The following FAM133B variants were observed in gnomAD, a reference collection of about 807,000 sequenced individuals.
FAM133B encodes the protein family with sequence similarity 133 member B.
FAM133B carries 25 observed loss-of-function variants against 46.4 expected under a neutral mutation model. The ratio of observed to expected loss-of-function variants is 0.54; its 90% CI spans 0.39 to 0.75. FAM133B has a LOEUF of 0.75. Among genes scored for constraint, FAM133B ranks in the 30% least tolerant of loss-of-function variants. The pLI is 0.00. For synonymous variants in FAM133B, 75 were observed against 86.0 expected (o/e 0.87, Z 0.71); for missense variants, 205 against 277.6 (o/e 0.74, Z 1.86).
At chr7:92,569,371 T>C (rs1585300085) in intron 9 of FAM133B, among the ~76,000 whole-genome samples, 1 of 152,218 alleles carries the variant, frequency 6.6e-6, no homozygotes, top group African/African-American at 2.4e-5. Context: ...TAATATGATA[T>C]GTTTCCTGCC....
At chr7:92,584,065 A>G (rs1451427550) in intron 1 of FAM133B, among the ~76,000 whole-genome samples, 2 of 150,434 alleles carry the variant, frequency 1.3e-5, no homozygotes, top group Non-Finnish European at 3.0e-5. Flanking sequence ...AAAAAAAAAA[A>G]AAAAAAAAGA....
chr7:92,572,359 C>T (rs1003170642), intron 8 of FAM133B, among the ~76,000 whole-genome samples: 6 of 152,170 alleles, frequency 3.9e-5, no homozygotes, highest in South Asian at 2.1e-4. Flanking sequence ...GCAAAATGTT[C>T]GTAAGTTGAA....
chr7:92,584,984 CA>C (rs1294540138), intron 1 of FAM133B, among the ~76,000 whole-genome samples: 1 of 102,762 alleles, frequency 9.7e-6, no homozygotes, highest in African/African-American at 4.5e-5. Flanking sequence ...CTCTACTAAA[CA>C]AAACAAAACA....
At chr7:92,579,506 T>C in intron 2 of FAM133B, 111 bp from the exon 3 acceptor site, 1 of 692,712 alleles carries the variant, frequency 1.4e-6, no homozygotes, top group Non-Finnish European at 2.4e-6. Flanking sequence ...AATAGACTTC[T>C]ATTCAATGTT....
chr7:92,563,600 A>C (rs533118501), intron 10 of FAM133B, among the ~76,000 whole-genome samples: 2 of 152,290 alleles, frequency 1.3e-5, no homozygotes, highest in East Asian at 3.9e-4. Flanking sequence ...AATGATGCCC[A>C]AATCTTTATA....
chr7:92,570,390 A>G (rs1467320517), intron 8 of FAM133B, among the ~76,000 whole-genome samples: 1 of 152,122 alleles, frequency 6.6e-6, no homozygotes, highest in East Asian at 1.9e-4. Context: ...TTAACCTCTA[A>G]GTATTTTTAA....
At chr7:92,573,043 TCA>T (rs1234002880) in intron 8 of FAM133B, among the ~76,000 whole-genome samples, 2 of 151,348 alleles carry the variant, frequency 1.3e-5, no homozygotes, top group Non-Finnish European at 2.9e-5. Context: ...AAAAAGAAAC[TCA>T]ATATTCTGTT....
chr7:92,562,931 T>G (rs1794203576), intron 10 of FAM133B, among the ~76,000 whole-genome samples: 1 of 152,238 alleles, frequency 6.6e-6, no homozygotes, highest in Non-Finnish European at 1.5e-5. Context: ...GTCTACTTTG[T>G]TAAGCAAAAC....
At chr7:92,579,915 T>C (rs1041736743) in intron 2 of FAM133B, among the ~76,000 whole-genome samples, 2 of 152,226 alleles carry the variant, frequency 1.3e-5, no homozygotes, top group Middle Eastern at 3.2e-3. Context: ...CTGCTTAATC[T>C]TGGAAAGACA....
At chr7:92,582,519 C>T (rs1794917573) in intron 1 of FAM133B, among the ~76,000 whole-genome samples, 1 of 151,980 alleles carries the variant, frequency 6.6e-6, no homozygotes, top group African/African-American at 2.4e-5. Context: ...AATGTTTGTG[C>T]ATCAAAGGAC....
At chr7:92,578,465 A>C (rs1794768639) in intron 3 of FAM133B, 72 bp from the exon 4 acceptor site, 1 of 1,306,072 alleles carries the variant, frequency 7.7e-7, no homozygotes, top group African/African-American at 1.5e-5. Context: ...AGAGACAGCC[A>C]CTGCTTCCTT....
chr7:92,567,077 G>T (rs1041571677), intron 9 of FAM133B, among the ~76,000 whole-genome samples: 1 of 152,016 alleles, frequency 6.6e-6, no homozygotes, highest in Non-Finnish European at 1.5e-5. Context: ...AATTAGTGGG[G>T]TGTGGTGGCA....
Position 92,581,759 on chromosome 7 carries a change from A to C in FAM133B, c.25-156T>G, listed in dbSNP as rs1794879654. On this transcript the variant is annotated intron_variant, in intron 1 of 10. Coordinates refer to ENST00000445716, the MANE Select transcript of FAM133B (RefSeq NM_152789.4). ...CTCTTTATTCTAAAAAAATTAATTT[A>C]ATCCTCTTTTAAGTCTTAAAAGTTT... 8.4e-6 allele frequency: 5 copies of C among 592,106 alleles called. No individual in the cohort carries two copies. The South Asian group carries it at 1.0e-4, about 12-fold the overall frequency. 36.7% of individuals were successfully genotyped at this position (592,106 alleles called of 1,614,324 possible).
intron 1 of FAM133B, chr7:92,585,206 A>G (rs1429298805): frequency 4.3e-6 from 1 of 232,792 alleles, no homozygotes; most frequent in African/African-American, 2.3e-5. Context: ...CAATCAGGTA[A>G]TCTCTGTATG....
intron 10 of FAM133B, among the ~76,000 whole-genome samples, 176 bp from the exon 11 acceptor site, chr7:92,562,544 T>C (rs192390509): frequency 1.1e-3 from 167 of 152,304 alleles, no homozygotes; most frequent in African/African-American, 3.9e-3. Flanking sequence ...CTAAAACAGT[T>C]CTTGTCGATT....
intron 8 of FAM133B, among the ~76,000 whole-genome samples, chr7:92,574,711 C>G (rs1475059724): frequency 2.0e-5 from 3 of 151,258 alleles, no homozygotes; most frequent in African/African-American, 7.3e-5. Flanking sequence ...CGAGACCATC[C>G]TGGCTAACAA....
chr7:92,577,765 T>G, intron 5 of FAM133B, 48 bp from the exon 6 acceptor site: 2 of 1,477,644 alleles, frequency 1.4e-6, no homozygotes, highest in Non-Finnish European at 1.8e-6. Context: ...CGAGAATGTT[T>G]TTCTTTTACA....
At chr7:92,589,431 ATC>A (rs1346473123) in intron 1 of FAM133B, among the ~76,000 whole-genome samples, 2 of 152,278 alleles carry the variant, frequency 1.3e-5, no homozygotes, top group East Asian at 3.9e-4. Flanking sequence ...TTATTTATGC[ATC>A]TCTTTTATCT....
intron 1 of FAM133B, among the ~76,000 whole-genome samples, chr7:92,588,070 C>T (rs1053070120): frequency 6.6e-6 from 1 of 152,126 alleles, no homozygotes; most frequent in Admixed American, 6.5e-5. Context: ...AAGTCTTACC[C>T]CTCCTCTATG....
Sources: gnomAD v4.1 joint callset for allele counts (sites outside exome capture counted in the v4.1 genomes callset) on GRCh38, gnomAD v4.1.1 for gene constraint, MANE v1.5 for transcripts, NCBI Gene and HGNC (gene_info 2026-07-23, HGNC 2026-07-21) for gene names.